LRRC71: variants seen among roughly 807,000 people sequenced by gnomAD.
LRRC71 encodes leucine-rich repeat-containing protein 71.
LRRC71 carries 54 observed loss-of-function variants against 66.6 expected under a neutral mutation model. The observed-to-expected ratio is 0.81, with a 90% CI of 0.65 to 1.02. The LOEUF (loss-of-function observed/expected upper bound fraction) is 1.02. Among genes scored for constraint, LRRC71 ranks in the 50% least tolerant of loss-of-function variants. The probability of loss-of-function intolerance (pLI) is 0.00; values close to 1 mark genes in which losing one functional copy is unlikely to be tolerated. For missense variants in LRRC71, 724 were observed against 718.0 expected (o/e 1.01, Z -0.10); for synonymous variants, 323 against 303.9 (o/e 1.06, Z -0.65).
downstream of LRRC71, chr1:156,935,463 C>T (rs1654883197): frequency 6.6e-6 from 1 of 152,454 alleles, no homozygotes; most frequent in Non-Finnish European, 1.5e-5. Flanking sequence ...TAACTGCCTC[C>T]AGCACTTCAG....
chr1:156,940,177 G>A, the LRRC71 span: 1 of 1,540,882 alleles, frequency 6.5e-7, no homozygotes, highest in Non-Finnish European at 8.8e-7. Context: ...TGGGGACCAG[G>A]GGCTGACGGC....
chr1:156,923,025 C>T (rs746632397), intron 1 of LRRC71, among the ~76,000 whole-genome samples: 4 of 152,170 alleles, frequency 2.6e-5, no homozygotes, highest in Admixed American at 2.6e-4. Context: ...CCTGGGTTAC[C>T]ACTGATGGCC....
rs747126947 is a variant in LRRC71 at position 156,927,965 on chromosome 1, C to T, written c.957C>T (p.Arg319=). The change falls in exon 9 of 15, where the codon CGC becomes CGT. Residue 319 remains arginine, a synonymous_variant. Coordinates refer to ENST00000337428, the MANE Select transcript of LRRC71 (RefSeq NM_144702.3). ...ACACCGAAGTGGTGGAGCGCCGACG[C>T]CTCCTGCTGGAAAAAGGGACACAGG... ...LTHTEVVERR[R]LLLEKGTQER... 3 of 1,610,744 alleles carry T rather than the reference C, an allele frequency of 1.9e-6. No homozygotes were observed. Among genetic ancestry groups the T allele is most frequent in the African/African-American group, 2.7e-5 (2 of 74,886 alleles).
chr1:156,931,740 C>T (rs567870070), intron 12 of LRRC71, among the ~76,000 whole-genome samples, 176 bp from the exon 13 acceptor site: 4 of 151,054 alleles, frequency 2.6e-5, no homozygotes, highest in African/African-American at 9.9e-5. Flanking sequence ...CTGGCTCCTC[C>T]ACACAAAGGA....
In LRRC71 at chr1:156,920,906, A is replaced by G; in HGVS notation, c.103A>G (p.Lys35Glu). Residue 35 changes from lysine to glutamate, a missense_variant, in exon 1 of 15, where the codon AAA (lysine) becomes GAA (glutamate). Lys to Glu is a moderately conservative substitution (Grantham distance 56). Coordinates refer to ENST00000337428, the MANE Select transcript of LRRC71 (RefSeq NM_144702.3). This position sits in a 1 kb window ranked among gnomAD's most constrained non-coding sequence, Gnocchi z 4.9. ...GACCAAAAAGGGAGAGCGCGCGGCC[A>G]AAGAGAAGCCAGCGACCGTTCTGCC... ...AVTKKGERAA[K>E]EKPATVLPPV... The G allele has an allele frequency of 6.5e-7, 1 of 1,541,424 alleles. No homozygotes were observed.
At position 156,930,060 on chromosome 1, in the gene LRRC71, T is replaced by TTCTTTCTTTTTCTTTCTTTCTTTTTC. The variant is rs746194831; in HGVS notation, c.1240+332_1240+333insCTTTCTTTTTCTTTCTTTCTTTTTCT. Among the ~76,000 whole-genome samples the TTCTTTCTTTTTCTTTCTTTCTTTTTC allele has an allele frequency of 2.7e-3, 339 of 126,210 alleles. 7 individuals carry two copies. The highest frequency in any genetic ancestry group is 0.024 in the South Asian group (101 of 4,128). 82.8% of individuals were successfully genotyped at this position (126,210 alleles called of 152,430 possible). A position where few individuals can be genotyped will look rare whatever the true frequency, so the allele number is the denominator to read the frequency against. Reference sequence around the variant, plus strand: ...TCTTTCTTTCTCTTTCTTTCTTTCTTTTTCTTTCTTTCTTTCTTTTCTTTC... The same window carrying TTCTTTCTTTTTCTTTCTTTCTTTTTC: ...TCTTTCTTTCTCTTTCTTTCTTTCTTTCTTTCTTTTTCTTTCTTTCTTTTTCTTTCTTTCTTTCTTTCTTTTCTTTC... On this transcript the variant is annotated intron_variant, in intron 11 of 14. Coordinates refer to ENST00000337428, the MANE Select transcript of LRRC71 (RefSeq NM_144702.3).
chr1:156,931,689 C>T (rs1463545213), intron 12 of LRRC71, among the ~76,000 whole-genome samples: 2 of 152,140 alleles, frequency 1.3e-5, no homozygotes, highest in African/African-American at 4.8e-5. Flanking sequence ...TCTGAGCTTG[C>T]CTCTGTCAGC....
chr1:156,920,863 G>C lies in LRRC71; in HGVS notation c.60G>C (p.Gln20His). ...ASPRAPRPGT[Q>H]KSSGAVTKKG... ...CCAGGGCCCCGCGTCCGGGGACCCAGAAGTCTTCTGGCGCGGTGACCAAAA... is the reference window on the plus strand; with the variant it reads ...CCAGGGCCCCGCGTCCGGGGACCCACAAGTCTTCTGGCGCGGTGACCAAAA... The change falls in exon 1 of 15, where the codon CAG becomes CAC. Residue 20 changes from glutamine (Q) to histidine (H), a missense_variant. Coordinates refer to ENST00000337428, the MANE Select transcript of LRRC71 (RefSeq NM_144702.3). This position sits in a 1 kb window ranked among gnomAD's most constrained non-coding sequence, Gnocchi z 4.9. 1 of 1,541,688 alleles carries C rather than the reference G, an allele frequency of 6.5e-7. No homozygotes were observed. Among genetic ancestry groups the C allele is most frequent in the Middle Eastern group, 2.2e-4 (1 of 4,620 alleles).
chr1:156,930,458 T>A, intron 11 of LRRC71, 71 bp from the exon 12 acceptor site: 1 of 1,392,790 alleles, frequency 7.2e-7, no homozygotes, highest in Non-Finnish European at 9.9e-7. Flanking sequence ...ACAGCCTGTT[T>A]TCTCTGGGGA....
rs374031448 is a variant in LRRC71, at chr1:156,924,932, C to A, written c.516-6C>A. On this transcript the variant is annotated splice_region_variant and splice_polypyrimidine_tract_variant and intron_variant, in intron 4 of 14. Transcript: ENST00000337428. ...TCTGTGTTTCTGCACTTCCCGCCCA[C>A]GACAGCTTGTGGAAGGTGGGGCTGA... The A allele has an allele frequency of 2.8e-4, 429 of 1,551,666 alleles. 3 individuals are homozygous for A. The African/African-American group carries it at 4.6e-3, about 16-fold the overall frequency.
intron 1 of LRRC71, chr1:156,921,712 AACACACACACACACACACACAC>A (rs34547094): frequency 1.8e-4 from 49 of 278,486 alleles, no homozygotes; most frequent in South Asian, 1.4e-3. Context: ...TTACATTCAA[AACACACACACACACACACACAC>A]ACACACACAC....
downstream of LRRC71, chr1:156,937,432 T>C (rs1655696877): frequency 6.4e-7 from 1 of 1,571,244 alleles, no homozygotes; most frequent in South Asian, 1.2e-5. Flanking sequence ...GGCTCATGGG[T>C]GCCTCTGAGT....
chr1:156,923,194 G>A (rs1253428271), intron 1 of LRRC71, among the ~76,000 whole-genome samples: 1 of 152,212 alleles, frequency 6.6e-6, no homozygotes, highest in African/African-American at 2.4e-5. Flanking sequence ...TGTGGCCAGC[G>A]TGCTGTTCTG....
chr1:156,924,257 C>G (rs2101600981), intron 2 of LRRC71, among the ~76,000 whole-genome samples, 159 bp downstream of exon 2: 1 of 152,264 alleles, frequency 6.6e-6, no homozygotes, highest in East Asian at 1.9e-4. Context: ...AGTCTCCCGT[C>G]TTCCTTTCCA....
chr1:156,931,110 G>A (rs1471720600), intron 12 of LRRC71, among the ~76,000 whole-genome samples: 1 of 152,132 alleles, frequency 6.6e-6, no homozygotes, highest in Non-Finnish European at 1.5e-5. Flanking sequence ...TTTTGCCCCT[G>A]GATCTTCTCT....
intron 9 of LRRC71, 94 bp from the exon 10 acceptor site, chr1:156,929,186 C>T: frequency 1.4e-6 from 2 of 1,451,224 alleles, no homozygotes; most frequent in Non-Finnish European, 1.8e-6. Context: ...GTCAGCTCGA[C>T]TGCTCCCCAA....
At chr1:156,926,039 C>T (rs1363140947) in intron 5 of LRRC71, among the ~76,000 whole-genome samples, 1 of 152,210 alleles carries the variant, frequency 6.6e-6, no homozygotes, top group Non-Finnish European at 1.5e-5. Context: ...AATAAGAAAT[C>T]ATGGGAGCAA....
chr1:156,927,336 C>T, intron 6 of LRRC71, 66 bp downstream of exon 6: 3 of 1,574,256 alleles, frequency 1.9e-6, no homozygotes, highest in Non-Finnish European at 2.6e-6. Context: ...ATTTTTAGTC[C>T]CCGCCCTTCC....
chr1:156,924,890 G>A (rs1306620494), intron 4 of LRRC71, 48 bp from the exon 5 acceptor site: 5 of 1,546,578 alleles, frequency 3.2e-6, no homozygotes, highest in African/African-American at 2.7e-5. Flanking sequence ...TTTTCCAGTA[G>A]GAGGGGGCGC....
Sources: allele counts gnomAD v4.1 joint callset (sites outside exome capture counted in the v4.1 genomes callset), GRCh38; gene constraint gnomAD v4.1.1; non-coding constraint Gnocchi (gnomAD v3.1); transcripts MANE v1.5; gene names NCBI Gene and HGNC (gene_info 2026-07-23, HGNC 2026-07-21).